Variants in CSMD3 observed in about 807,000 individuals in gnomAD.
The protein encoded by CSMD3 is CUB and Sushi multiple domains 3, also known as CUB and sushi domain-containing protein 3.
In CSMD3, 177 loss-of-function variants were observed where a neutral mutation model predicts 435.2. The ratio of observed to expected loss-of-function variants is 0.41; its 90% confidence interval spans 0.36 to 0.46. The LOEUF is 0.46. CSMD3 is among the 20% of genes least tolerant of loss of function. CSMD3 has a pLI of 0.34. For synonymous variants in CSMD3, 1,656 were observed against 1,520.5 expected (o/e 1.09, Z -2.07); for missense variants, 4,265 against 4,504.6 (o/e 0.95, Z 1.52).
At chr8:112,314,665 A>T in intron 47 of CSMD3, 48 bp from the exon 48 acceptor site, 1 of 1,311,892 alleles carries the variant, frequency 7.6e-7, no homozygotes. Flanking sequence ...TTAGAGCCTC[A>T]GTGAAAACTG....
At chr8:113,222,388 A>T (rs1405282198) in intron 3 of CSMD3, among the ~76,000 whole-genome samples, 1 of 151,078 alleles carries the variant, frequency 6.6e-6, no homozygotes, top group Non-Finnish European at 1.5e-5. Flanking sequence ...GGAATATTTC[A>T]ATATCTATTG....
intron 22 of CSMD3, among the ~76,000 whole-genome samples, chr8:112,624,491 C>T (rs149885277): frequency 3.9e-5 from 6 of 152,012 alleles, no homozygotes; most frequent in Non-Finnish European, 8.8e-5. Context: ...AAGTAAAGAA[C>T]CTTAGCCATG....
At chr8:113,155,590 AGG>A (rs1234706382) in intron 4 of CSMD3, among the ~76,000 whole-genome samples, 1 of 152,064 alleles carries the variant, frequency 6.6e-6, no homozygotes, top group Non-Finnish European at 1.5e-5. Context: ...ATAGAACAAA[AGG>A]GGGATTGAAG....
chr8:112,499,762 G>T (rs1243670070), intron 30 of CSMD3, among the ~76,000 whole-genome samples: 5 of 152,126 alleles, frequency 3.3e-5, no homozygotes, highest in Admixed American at 2.0e-4. Context: ...CAAAATGTTT[G>T]CATAGCAGCT....
At chr8:112,603,556 T>A (rs1327976449) in intron 22 of CSMD3, among the ~76,000 whole-genome samples, 1 of 152,228 alleles carries the variant, frequency 6.6e-6, no homozygotes, top group Non-Finnish European at 1.5e-5. Flanking sequence ...CCACTGCAAA[T>A]TGTGCCATGT....
chr8:112,248,265 T>A (rs1329912134), intron 63 of CSMD3, among the ~76,000 whole-genome samples: 1 of 152,104 alleles, frequency 6.6e-6, no homozygotes, highest in Non-Finnish European at 1.5e-5. Flanking sequence ...AAATAAATTA[T>A]AGGCATGATG....
chr8:112,899,681 A>G (rs1363244429), intron 10 of CSMD3, among the ~76,000 whole-genome samples: 4 of 144,242 alleles, frequency 2.8e-5, no homozygotes, highest in African/African-American at 1.0e-4. Context: ...ACACACACAC[A>G]CACACACACA....
At chr8:113,164,008 G>C (rs919790955) in intron 4 of CSMD3, among the ~76,000 whole-genome samples, 2 of 151,990 alleles carry the variant, frequency 1.3e-5, no homozygotes, top group African/African-American at 4.8e-5. Flanking sequence ...TCATTGTCCA[G>C]TAAGTTTGGT....
intron 22 of CSMD3, among the ~76,000 whole-genome samples, chr8:112,591,586 T>A (rs1276453484): frequency 6.6e-6 from 1 of 152,144 alleles, no homozygotes; most frequent in Non-Finnish European, 1.5e-5. Flanking sequence ...TTTTTATTTT[T>A]AAACTGTTTT....
chr8:112,954,496 C>T (rs574031505), intron 8 of CSMD3, among the ~76,000 whole-genome samples, 188 bp downstream of exon 8: 6 of 151,502 alleles, frequency 4.0e-5, no homozygotes, highest in South Asian at 2.1e-4. Context: ...GAGTTTGCCA[C>T]GTTAATCCAT....
intron 1 of CSMD3, chr8:113,377,095 T>C: frequency 7.8e-7 from 1 of 1,284,542 alleles, no homozygotes; most frequent in East Asian, 4.4e-5. Flanking sequence ...GGCGCTGGAC[T>C]CCCCCAAGGG....
intron 3 of CSMD3, among the ~76,000 whole-genome samples, chr8:113,248,576 G>C (rs1484982153): frequency 1.4e-5 from 2 of 146,620 alleles, no homozygotes; most frequent in Non-Finnish European, 3.0e-5. Flanking sequence ...GAAATAAATT[G>C]TTATATATAA....
intron 27 of CSMD3, among the ~76,000 whole-genome samples, chr8:112,521,595 C>T (rs1321574912): frequency 1.3e-5 from 2 of 151,750 alleles, no homozygotes; most frequent in Non-Finnish European, 2.9e-5. Flanking sequence ...TGCTCTTGTC[C>T]CTTCTTTCCA....
At chr8:112,907,941 A>T (rs2082306839) in intron 10 of CSMD3, among the ~76,000 whole-genome samples, 1 of 151,426 alleles carries the variant, frequency 6.6e-6, no homozygotes, top group Non-Finnish European at 1.5e-5. Context: ...AGCCCACACC[A>T]GCATCATTCA....
chr8:112,916,441 A>T (rs1294012102), intron 10 of CSMD3, among the ~76,000 whole-genome samples: 1 of 151,794 alleles, frequency 6.6e-6, no homozygotes, highest in African/African-American at 2.4e-5. Context: ...GGTTTAATAA[A>T]GCTTCACACT....
In CSMD3 at chr8:113,091,547, T is replaced by C. The variant is rs1444309584; in HGVS notation, c.917+7209A>G. 5.3e-5 allele frequency among the ~76,000 whole-genome samples: 8 copies of C among 152,090 alleles called. 1 individual carries two copies. Among genetic ancestry groups the C allele is most frequent in the Non-Finnish European group, 1.2e-4 (8 of 67,970 alleles). On this transcript the variant is annotated intron_variant, in intron 5 of 70. Transcript: ENST00000297405. ...AACAGTTTCTTCTAGATTTTCCAATTTATTGGCATATAGTTAATCACAGCA... is the reference window on the plus strand; with the variant it reads ...AACAGTTTCTTCTAGATTTTCCAATCTATTGGCATATAGTTAATCACAGCA...
Position 113,213,578 on chromosome 8 carries a change from G to C in CSMD3, c.515-39662C>G, listed in dbSNP as rs532817091. Among the ~76,000 whole-genome samples, 28 of 151,674 alleles carry C rather than the reference G, an allele frequency of 1.8e-4. No individual in the cohort carries two copies. In the South Asian group the frequency reaches 5.6e-3, roughly 30 times the overall value. On this transcript the variant is annotated intron_variant, in intron 3 of 70. Transcript: ENST00000297405. ...AAATCTACACAGCTCTTTAATTTTGGATCAGAGAATAAACTCTTCAGTCAG... is the reference window on the plus strand; with the variant it reads ...AAATCTACACAGCTCTTTAATTTTGCATCAGAGAATAAACTCTTCAGTCAG...
At chr8:112,692,192 TC>T (rs1456347568) in intron 13 of CSMD3, among the ~76,000 whole-genome samples, 3 of 152,100 alleles carry the variant, frequency 2.0e-5, no homozygotes, top group Non-Finnish European at 4.4e-5. Flanking sequence ...ATATTGCTAT[TC>T]TTTTTTCTGT....
At chr8:112,657,504 A>G (rs1228830835) in intron 17 of CSMD3, among the ~76,000 whole-genome samples, 1 of 152,172 alleles carries the variant, frequency 6.6e-6, no homozygotes. Flanking sequence ...AATTCTTTAA[A>G]ACATATTAAT....
Sources: allele counts gnomAD v4.1 joint callset (sites outside exome capture counted in the v4.1 genomes callset), GRCh38; gene constraint gnomAD v4.1.1; transcripts MANE v1.5; gene names NCBI Gene and HGNC (gene_info 2026-07-23, HGNC 2026-07-21).